The following MRPS21 variants were observed in gnomAD, a reference collection of about 807,000 sequenced individuals.
MRPS21 encodes mitochondrial ribosomal protein S21.
A neutral mutation model predicts 9.9 loss-of-function variants in MRPS21; 8 were observed. The ratio of observed to expected loss-of-function variants is 0.81; its 90% confidence interval spans 0.47 to 1.45. MRPS21 has a LOEUF of 1.45. MRPS21 is among the 40% of genes most tolerant of loss of function. The probability of loss-of-function intolerance (pLI) is 0.00; values close to 1 mark genes in which losing one functional copy is unlikely to be tolerated. For missense variants in MRPS21, 101 were observed against 118.9 expected, an observed-to-expected ratio of 0.85 and a Z score of 0.70; for synonymous variants, 40 against 40.3, an observed-to-expected ratio of 0.99 and a Z score of 0.03.
intron 2 of MRPS21, among the ~76,000 whole-genome samples, chr1:150,297,710 T>C (rs1301725074): frequency 2.6e-5 from 4 of 152,102 alleles, no homozygotes; most frequent in East Asian, 1.9e-4. Flanking sequence ...CTTAATTCTA[T>C]GTGCATAACA....
At chr1:150,299,052 C>G (rs1654017039) in intron 2 of MRPS21, among the ~76,000 whole-genome samples, 1 of 152,046 alleles carries the variant, frequency 6.6e-6, no homozygotes, top group African/African-American at 2.4e-5. Context: ...CCCGTCTTTA[C>G]TAAAAATACA....
chr1:150,306,186 C>T (rs1471889013), intron 2 of MRPS21, among the ~76,000 whole-genome samples: 1 of 152,174 alleles, frequency 6.6e-6, no homozygotes, highest in Non-Finnish European at 1.5e-5. Context: ...ATAGGGCAAC[C>T]TACTTATTCA....
intron 2 of MRPS21, 77 bp from the exon 3 acceptor site, chr1:150,307,971 A>G (rs782464847): frequency 7.4e-6 from 10 of 1,350,490 alleles, no homozygotes; most frequent in East Asian, 4.7e-5. Context: ...TGTTTGGTCA[A>G]TCGACTTCTA....
At chr1:150,307,372 CT>C (rs1159033815) in intron 2 of MRPS21, among the ~76,000 whole-genome samples, 109,681 of 111,968 alleles carry the variant, frequency 0.98, 53,724 homozygotes, top group East Asian at 0.99. Flanking sequence ...TTTTTTTTTC[CT>C]TTGAGTCAAG....
At chr1:150,302,378 A>G (rs1553857850) in intron 2 of MRPS21, among the ~76,000 whole-genome samples, 1 of 152,122 alleles carries the variant, frequency 6.6e-6, no homozygotes, top group African/African-American at 2.4e-5. Flanking sequence ...GAAGCCCTGC[A>G]TGATTGGCTG....
intron 2 of MRPS21, among the ~76,000 whole-genome samples, chr1:150,296,052 A>G (rs1263859770): frequency 6.6e-6 from 1 of 151,466 alleles, no homozygotes; most frequent in African/African-American, 2.4e-5. Context: ...CCTGGGTTCA[A>G]TTGACTCTTC....
intron 2 of MRPS21, among the ~76,000 whole-genome samples, chr1:150,298,704 C>T (rs373390351): frequency 6.6e-6 from 1 of 152,106 alleles, no homozygotes; most frequent in Non-Finnish European, 1.5e-5. Context: ...CGAGTTCAAG[C>T]GATTCTCCTG....
At position 150,308,187 on chromosome 1, in the gene MRPS21, T is replaced by G. The variant is rs144788909; in HGVS notation, c.223T>G (p.Leu75Val). ...GGAAATGGCTCGCAAGATCAACTTC[T>G]TGATGCGAAAGAATCGGGCAGATCC... Reference protein sequence around the residue: ...NMEMARKINFLMRKNRADPWQ... With the variant: ...NMEMARKINFVMRKNRADPWQ... The change falls in exon 3 of 3, where the codon TTG (leucine) becomes GTG (valine). Residue 75 changes from leucine to valine, a missense_variant. Physicochemically the swap from Leu to Val is conservative, Grantham distance 32 (BLOSUM62 1). Coordinates refer to ENST00000614145, the MANE Select transcript of MRPS21 (RefSeq NM_031901.6). 19,358 of 1,605,004 alleles carry G rather than the reference T, an allele frequency of 0.012. 151 individuals carry two copies. The highest frequency in any genetic ancestry group is 0.02 in the Middle Eastern group (121 of 6,034).
rs1279940848 is a variant in MRPS21, at chr1:150,308,252, G to A, written c.*24G>A. 2 of 1,573,236 alleles carry A rather than the reference G, an allele frequency of 1.3e-6. No individual in the cohort carries two copies. The highest frequency in any genetic ancestry group is 1.7e-6 in the Non-Finnish European group (2 of 1,148,470). On this transcript the variant is annotated 3_prime_UTR_variant, in exon 3 of 3. Transcript: ENST00000614145. ...GAGGCCTGTGGGTGGGACACCCAGTGCGAAACCCTCATCCAGTTTTCTCTC... is the reference window on the plus strand; with the variant it reads ...GAGGCCTGTGGGTGGGACACCCAGTACGAAACCCTCATCCAGTTTTCTCTC...
In MRPS21 at chr1:150,308,121, CAG is replaced by C. The variant is rs2101914258; in HGVS notation, c.160_161del (p.Arg54GlyfsTer4). 1.9e-6 allele frequency: 3 copies of C among 1,608,128 alleles called. No individual in the cohort carries two copies. The highest frequency in any genetic ancestry group is 4.5e-5 in the East Asian group (2 of 44,634). On this transcript the variant is annotated frameshift_variant, in exon 3 of 3. Transcript: ENST00000614145. LOFTEE classifies it high-confidence loss of function. ...TTATGAGAAGCCATGCTGCCGGCGA[CAG>C]AGGGAAAGCTATGAAAGGTGCCGGC... ...RYYEKPCCRR[Q>X]RESYERCRRI... is the part of the protein sequence containing the mutation.
intron 2 of MRPS21, among the ~76,000 whole-genome samples, chr1:150,295,809 G>A (rs1329224856): frequency 6.6e-6 from 1 of 152,026 alleles, no homozygotes; most frequent in African/African-American, 2.4e-5. Flanking sequence ...AGAAAGATGG[G>A]AAAGCTTACA....
At chr1:150,295,867 A>C (rs1403562301) in intron 2 of MRPS21, among the ~76,000 whole-genome samples, 1 of 152,168 alleles carries the variant, frequency 6.6e-6, no homozygotes, top group Non-Finnish European at 1.5e-5. Context: ...AAATGGAAAC[A>C]AACTAGCTGG....
chr1:150,302,000 A>G (rs1406107348), intron 2 of MRPS21, among the ~76,000 whole-genome samples: 2 of 151,942 alleles, frequency 1.3e-5, no homozygotes, highest in Admixed American at 6.6e-5. Flanking sequence ...TGTTAAACAC[A>G]TTTTCTGACT....
chr1:150,306,738 G>A (rs1041087778), intron 2 of MRPS21, among the ~76,000 whole-genome samples: 2 of 151,842 alleles, frequency 1.3e-5, no homozygotes, highest in African/African-American at 2.4e-5. Flanking sequence ...CAGGTGATCC[G>A]CCCACCTCGG....
Position 150,303,716 on chromosome 1 carries a change from A to G in MRPS21, c.84-4332A>G, listed in dbSNP as rs191552062. ...TGCCTAAACAATTTCATAGGAGTGT[A>G]GTTAGGATGATGGATATAAAAATGC... On this transcript the variant is annotated intron_variant, in intron 2 of 2. Coordinates refer to ENST00000614145, the MANE Select transcript of MRPS21 (RefSeq NM_031901.6). Among the ~76,000 whole-genome samples, 62 of 152,330 alleles carry G rather than the reference A, an allele frequency of 4.1e-4. 1 individual carries two copies. In the East Asian group the frequency reaches 0.012, roughly 28 times the overall value.
At chr1:150,306,656 C>G (rs11205360) in intron 2 of MRPS21, among the ~76,000 whole-genome samples, 1 of 151,942 alleles carries the variant, frequency 6.6e-6, no homozygotes, top group Non-Finnish European at 1.5e-5. Context: ...CCACCATGCC[C>G]GGCTAATTTT....
intron 2 of MRPS21, chr1:150,304,311 CAAA>C: frequency 5.0e-5 from 9 of 181,436 alleles, no homozygotes; most frequent in Admixed American, 1.2e-4. Flanking sequence ...GCCCTGCCTA[CAAA>C]AAAAAAAAAA....
At chr1:150,296,126 A>G (rs1184578179) in intron 2 of MRPS21, among the ~76,000 whole-genome samples, 1 of 151,844 alleles carries the variant, frequency 6.6e-6, no homozygotes, top group East Asian at 1.9e-4. Flanking sequence ...TGATTTTTGT[A>G]TTTTTAGTAG....
chr1:150,297,397 C>G (rs370978560), intron 2 of MRPS21, among the ~76,000 whole-genome samples: 2 of 151,672 alleles, frequency 1.3e-5, no homozygotes, highest in African/African-American at 4.8e-5. Flanking sequence ...TAGGGTCAGG[C>G]GTGGTGGCTC....
Sources: allele counts gnomAD v4.1 joint callset (sites outside exome capture counted in the v4.1 genomes callset), GRCh38; gene constraint gnomAD v4.1.1; transcripts MANE v1.5; gene names NCBI Gene and HGNC (gene_info 2026-07-23, HGNC 2026-07-21).